Variants in XRCC4 observed in about 807,000 individuals in gnomAD.
XRCC4 encodes the protein DNA repair protein XRCC4.
XRCC4 carries 28 observed loss-of-function variants against 39.1 expected under a neutral mutation model. The ratio of observed to expected loss-of-function variants is 0.72; its 90% confidence interval spans 0.53 to 0.98. The LOEUF (loss-of-function observed/expected upper bound fraction) is 0.98. Ranked by LOEUF, XRCC4 falls within the 50% of genes least tolerant of loss-of-function variation. The pLI is 0.00. For synonymous variants in XRCC4, 123 were observed against 126.4 expected, an observed-to-expected ratio of 0.97 and a Z score of 0.18; for missense variants, 350 against 376.4, an observed-to-expected ratio of 0.93 and a Z score of 0.58.
chr5:83,234,618 G>A (rs1157945189), intron 6 of XRCC4, among the ~76,000 whole-genome samples: 1 of 152,094 alleles, frequency 6.6e-6, no homozygotes, highest in South Asian at 2.1e-4. Context: ...TATCAGGGAG[G>A]ATAATCTAGA....
chr5:83,257,983 A>T lies in XRCC4; in HGVS notation c.746-547A>T, dbSNP rs138220368. The stretch of plus-strand genomic sequence containing the variant: ...TGTTCTCACTCATAAGTGGGAGCTG[A>T]ACAATGAGAACACATGGACACAGGG... On this transcript the variant is annotated intron_variant, in intron 6 of 7. Transcript: ENST00000396027. Among the ~76,000 whole-genome samples, 835 of 152,300 alleles carry T rather than the reference A, an allele frequency of 5.5e-3. 7 individuals carry two copies. The highest frequency in any genetic ancestry group is 0.019 in the African/African-American group (806 of 41,554).
intron 7 of XRCC4, among the ~76,000 whole-genome samples, chr5:83,301,582 G>A (rs1252336979): frequency 6.6e-6 from 1 of 152,118 alleles, no homozygotes; most frequent in African/African-American, 2.4e-5. Flanking sequence ...AGTTTAATTA[G>A]ATCCCATTTG....
At position 83,111,134 on chromosome 5, in the gene XRCC4, T is replaced by C. The variant is rs879255258; in HGVS notation, c.246T>C (p.Asp82=). The C allele has an allele frequency of 6.2e-7, 1 of 1,608,462 alleles. No homozygotes were observed. The highest frequency in any genetic ancestry group is 8.5e-7 in the Non-Finnish European group (1 of 1,177,914). ...KALLSGAGPA[D]VYTFNFSKES... ...TGTTGTCAGGAGCAGGACCAGCTGA[T>C]GTATACACGTTTAATTTTTCTAAAG... is the stretch of plus-strand genomic sequence containing the variant. Residue 82 remains aspartate (D), a synonymous_variant, in exon 3 of 8, where the codon GAT becomes GAC. Coordinates refer to ENST00000396027, the MANE Select transcript of XRCC4 (RefSeq NM_003401.5).
intron 7 of XRCC4, among the ~76,000 whole-genome samples, chr5:83,285,655 T>C (rs1255291875): frequency 1.3e-5 from 2 of 152,298 alleles, no homozygotes; most frequent in South Asian, 4.1e-4. Context: ...TCCACAAAGA[T>C]AAACTGGCCA....
the XRCC4 span, among the ~76,000 whole-genome samples, chr5:83,363,783 G>A: frequency 1.3e-5 from 2 of 152,156 alleles, no homozygotes; most frequent in African/African-American, 4.8e-5. Flanking sequence ...TTGTGGAATT[G>A]ACTTCCTTTT....
chr5:83,234,824 T>G (rs1342020136), intron 6 of XRCC4, among the ~76,000 whole-genome samples: 2 of 152,012 alleles, frequency 1.3e-5, no homozygotes, highest in East Asian at 1.9e-4. Context: ...AAAAAAAAAT[T>G]TTAAGCCTTA....
At chr5:83,183,137 T>C (rs1338308330) in intron 3 of XRCC4, among the ~76,000 whole-genome samples, 1 of 152,146 alleles carries the variant, frequency 6.6e-6, no homozygotes, top group African/African-American at 2.4e-5. Context: ...TAATTCATCA[T>C]CATTTATCTG....
intron 1 of XRCC4, among the ~76,000 whole-genome samples, chr5:83,092,813 A>G (rs2112322764): frequency 6.6e-6 from 1 of 152,228 alleles, no homozygotes; most frequent in East Asian, 1.9e-4. Context: ...TTCAAGACAT[A>G]CCACACAGGA....
chr5:83,126,824 G>A (rs1120476), intron 3 of XRCC4, among the ~76,000 whole-genome samples: 70,623 of 152,046 alleles, frequency 0.46, 17,303 homozygotes, highest in African/African-American at 0.59. Context: ...TCCTTCCAAC[G>A]TATCTGGAAG....
chr5:83,086,313 A>G (rs1745177981), intron 1 of XRCC4, among the ~76,000 whole-genome samples: 1 of 152,196 alleles, frequency 6.6e-6, no homozygotes, highest in Non-Finnish European at 1.5e-5. Context: ...GGCTCCTTCA[A>G]AACTTAACTA....
At chr5:83,132,509 C>G (rs940150589) in intron 3 of XRCC4, among the ~76,000 whole-genome samples, 1 of 152,160 alleles carries the variant, frequency 6.6e-6, no homozygotes, top group East Asian at 1.9e-4. Context: ...CTGTCATTTT[C>G]AGGTACACCA....
chr5:83,291,015 A>G (rs1262563816), intron 7 of XRCC4, among the ~76,000 whole-genome samples: 1 of 151,950 alleles, frequency 6.6e-6, no homozygotes, highest in African/African-American at 2.4e-5. Context: ...ATGTGAATAC[A>G]TTCTGGTAGA....
intron 4 of XRCC4, among the ~76,000 whole-genome samples, chr5:83,198,628 A>G (rs917045238): frequency 6.6e-6 from 1 of 152,246 alleles, no homozygotes; most frequent in South Asian, 2.1e-4. Flanking sequence ...GTATTTAAAT[A>G]TGTATCACCA....
chr5:83,100,417 G>A (rs1745875686), intron 1 of XRCC4, among the ~76,000 whole-genome samples: 1 of 152,028 alleles, frequency 6.6e-6, no homozygotes, highest in Non-Finnish European at 1.5e-5. Flanking sequence ...AGGAGTTACT[G>A]AAAGGCATCT....
At chr5:83,324,794 G>A (rs1385083617) in intron 7 of XRCC4, among the ~76,000 whole-genome samples, 1 of 152,086 alleles carries the variant, frequency 6.6e-6, no homozygotes, top group Non-Finnish European at 1.5e-5. Flanking sequence ...AGTACCTTAG[G>A]GAGAGTAAAG....
At chr5:83,220,529 A>C (rs1752039510) in intron 6 of XRCC4, among the ~76,000 whole-genome samples, 1 of 152,134 alleles carries the variant, frequency 6.6e-6, no homozygotes, top group Non-Finnish European at 1.5e-5. Flanking sequence ...GCCACGACTT[A>C]ACTCTGAGGG....
chr5:83,341,790 T>C (rs1424078034), intron 7 of XRCC4, among the ~76,000 whole-genome samples: 1 of 152,194 alleles, frequency 6.6e-6, no homozygotes, highest in African/African-American at 2.4e-5. Context: ...TCAGGTACAT[T>C]GCTTAACTTT....
At chr5:83,279,796 G>A (rs1754472970) in intron 7 of XRCC4, 1 of 152,634 alleles carries the variant, frequency 6.6e-6, no homozygotes, top group African/African-American at 2.4e-5. Flanking sequence ...AATGGTGCAA[G>A]TTTATAACCA....
intron 1 of XRCC4, among the ~76,000 whole-genome samples, chr5:83,088,183 C>T (rs952998174): frequency 1.3e-5 from 2 of 152,030 alleles, no homozygotes; most frequent in Non-Finnish European, 2.9e-5. Flanking sequence ...TTTGATGTAT[C>T]TTGTCATTAT....
Sources: gnomAD v4.1 joint callset for allele counts (sites outside exome capture counted in the v4.1 genomes callset) on GRCh38, gnomAD v4.1.1 for gene constraint, MANE v1.5 for transcripts, NCBI Gene and HGNC (gene_info 2026-07-23, HGNC 2026-07-21) for gene names.